The following EPHB1 variants were observed in gnomAD, a reference collection of about 807,000 sequenced individuals.
EPHB1 encodes the protein ephrin type-B receptor 1.
In EPHB1, 30 loss-of-function variants were observed where a neutral mutation model predicts 94.4. That is an observed-to-expected ratio of 0.32 (90% CI 0.24 to 0.43). The LOEUF (loss-of-function observed/expected upper bound fraction) is 0.43, where lower values mean the gene tolerates loss of function less well. Among genes scored for constraint, EPHB1 ranks in the 20% least tolerant of loss-of-function variants. The pLI, the probability that EPHB1 is intolerant of heterozygous loss-of-function variation, is 1.00. For missense variants in EPHB1, 1,055 were observed against 1,308.3 expected (o/e 0.81, Z 2.99); for synonymous variants, 522 against 489.1 (o/e 1.07, Z -0.89).
chr3:134,972,431 G>A (rs994536431), intron 3 of EPHB1, among the ~76,000 whole-genome samples: 3 of 141,416 alleles, frequency 2.1e-5, no homozygotes, highest in South Asian at 2.2e-4. Context: ...ATATAAAAGA[G>A]GTAATATATA....
chr3:135,079,731 G>A (rs1356162971), intron 3 of EPHB1, among the ~76,000 whole-genome samples: 3 of 152,096 alleles, frequency 2.0e-5, no homozygotes, highest in Non-Finnish European at 2.9e-5. Context: ...GTGTGTGGTT[G>A]TATGTATGCT....
chr3:135,098,478 T>G (rs1285016831), intron 3 of EPHB1, among the ~76,000 whole-genome samples: 1 of 152,184 alleles, frequency 6.6e-6, no homozygotes, highest in Middle Eastern at 3.2e-3. Flanking sequence ...GTTGCATGAT[T>G]TATTTAGTCA....
At chr3:135,064,803 A>G (rs1252206867) in intron 3 of EPHB1, among the ~76,000 whole-genome samples, 1 of 151,796 alleles carries the variant, frequency 6.6e-6, no homozygotes, top group Non-Finnish European at 1.5e-5. Context: ...TTAGAATGTC[A>G]GTTTATGCTC....
At chr3:135,133,218 G>A (rs1280707449) in intron 5 of EPHB1, among the ~76,000 whole-genome samples, 169 bp downstream of exon 5, 4 of 152,242 alleles carry the variant, frequency 2.6e-5, no homozygotes, top group African/African-American at 4.8e-5. Flanking sequence ...GCAGGCAGGT[G>A]TAGTGTTGCG....
At chr3:134,901,874 C>A (rs985111921) in intron 1 of EPHB1, among the ~76,000 whole-genome samples, 1 of 152,178 alleles carries the variant, frequency 6.6e-6, no homozygotes, top group African/African-American at 2.4e-5. Flanking sequence ...CTGTAACTAC[C>A]TCTTAAAGGG....
At chr3:134,886,623 G>A (rs955930669) in intron 1 of EPHB1, among the ~76,000 whole-genome samples, 2 of 152,082 alleles carry the variant, frequency 1.3e-5, no homozygotes, top group African/African-American at 2.4e-5. Flanking sequence ...ACTTAATGAA[G>A]GTATTACTTG....
At chr3:135,157,501 G>T (rs1273234309) in intron 6 of EPHB1, among the ~76,000 whole-genome samples, 1 of 152,168 alleles carries the variant, frequency 6.6e-6, no homozygotes, top group Non-Finnish European at 1.5e-5. Flanking sequence ...TTAGTAATTT[G>T]TACTAATTAT....
At chr3:135,157,689 G>A (rs1245592180) in intron 6 of EPHB1, among the ~76,000 whole-genome samples, 1 of 152,202 alleles carries the variant, frequency 6.6e-6, no homozygotes, top group East Asian at 1.9e-4. Context: ...CACTTACGAA[G>A]TGCTTGACTA....
chr3:135,099,881 T>A (rs1312017728), intron 3 of EPHB1, among the ~76,000 whole-genome samples: 5 of 152,116 alleles, frequency 3.3e-5, no homozygotes, highest in Non-Finnish European at 5.9e-5. Flanking sequence ...GTAGGAGCAA[T>A]GAACTCTGGG....
At chr3:135,054,024 CATAT>C (rs144029421) in intron 3 of EPHB1, among the ~76,000 whole-genome samples, 5 of 137,364 alleles carry the variant, frequency 3.6e-5, no homozygotes, top group Non-Finnish European at 7.7e-5. Context: ...TGTGTGTCTG[CATAT>C]ATATATATAT....
At chr3:134,998,503 G>A (rs559885555) in intron 3 of EPHB1, among the ~76,000 whole-genome samples, 2 of 152,194 alleles carry the variant, frequency 1.3e-5, no homozygotes, top group African/African-American at 4.8e-5. Flanking sequence ...ACTAAGTCTG[G>A]GGAGGTTTTC....
intron 1 of EPHB1, among the ~76,000 whole-genome samples, chr3:134,853,868 A>G (rs1418685227): frequency 6.6e-6 from 1 of 152,186 alleles, no homozygotes; most frequent in Non-Finnish European, 1.5e-5. Context: ...GCAACTTCAC[A>G]TCTCCTGCAG....
At chr3:134,990,586 A>G (rs1231104213) in intron 3 of EPHB1, among the ~76,000 whole-genome samples, 5 of 152,190 alleles carry the variant, frequency 3.3e-5, no homozygotes, top group African/African-American at 1.2e-4. Context: ...ATCTGTCAGT[A>G]TCTGCAGAGA....
rs542822430 is a variant in EPHB1 at position 135,168,219 on chromosome 3, G to C, written c.1759+1213G>C. Among the ~76,000 whole-genome samples, 3 of 152,222 alleles carry C rather than the reference G, an allele frequency of 2.0e-5. No homozygotes were observed. The South Asian group carries it at 6.2e-4, about 31-fold the overall frequency. On this transcript the variant is annotated intron_variant, in intron 9 of 15. Transcript: ENST00000398015. Reference sequence around the variant, plus strand: ...CCCCTGGCAGCTGGGCTGCTGCCCAGGGCACTTATTGCTGGAGGGAGTTGT... The same window carrying C: ...CCCCTGGCAGCTGGGCTGCTGCCCACGGCACTTATTGCTGGAGGGAGTTGT...
intron 3 of EPHB1, among the ~76,000 whole-genome samples, chr3:135,028,073 C>T (rs1936262228): frequency 6.9e-6 from 1 of 144,622 alleles, no homozygotes; most frequent in Admixed American, 6.9e-5. Flanking sequence ...TGGTGATATC[C>T]CCTTTATCAT....
In EPHB1 at chr3:135,248,493, G is replaced by A. The variant is rs1205107482; in HGVS notation, c.2674G>A (p.Ala892Thr). 1 of 1,606,130 alleles carries A rather than the reference G, an allele frequency of 6.2e-7. No homozygotes were observed. ...GAACCCGGCAAGTCTCAAGACTGTG[G>A]CAACCATCACCGCCGTGTGAGTCTA... is the stretch of plus-strand genomic sequence containing the variant. ...IRNPASLKTV[A>T]TITAVPSQPL... The change falls in exon 14 of 16, where the codon GCA becomes ACA. Residue 892 changes from alanine to threonine, a missense_variant. Coordinates refer to ENST00000398015, the MANE Select transcript of EPHB1 (RefSeq NM_004441.5).
chr3:134,802,062 TG>T (rs1220548241), intron 1 of EPHB1, among the ~76,000 whole-genome samples: 2 of 152,138 alleles, frequency 1.3e-5, no homozygotes, highest in East Asian at 1.9e-4. Context: ...TTAAATAGAC[TG>T]GAGGAAGGAT....
chr3:135,161,253 G>A (rs145920141), intron 6 of EPHB1, among the ~76,000 whole-genome samples: 177 of 152,340 alleles, frequency 1.2e-3, no homozygotes, highest in African/African-American at 4.0e-3. Context: ...GTAGAGGTCA[G>A]CACAGAAAGT....
At chr3:135,234,136 G>A (rs1943595997) in intron 12 of EPHB1, among the ~76,000 whole-genome samples, 1 of 152,160 alleles carries the variant, frequency 6.6e-6, no homozygotes, top group African/African-American at 2.4e-5. Context: ...TTGTCAGGCT[G>A]CAAATTTTCC....
Sources: allele counts gnomAD v4.1 joint callset (sites outside exome capture counted in the v4.1 genomes callset), GRCh38; gene constraint gnomAD v4.1.1; transcripts MANE v1.5; gene names NCBI Gene and HGNC (gene_info 2026-07-23, HGNC 2026-07-21).